DCC: variants seen among roughly 807,000 people sequenced by gnomAD.
DCC encodes DCC netrin 1 receptor.
DCC carries 58 observed loss-of-function variants against 172.5 expected under a neutral mutation model. The ratio of observed to expected loss-of-function variants is 0.34; its 90% CI spans 0.27 to 0.42. DCC has a LOEUF of 0.42. DCC is among the 10% of genes least tolerant of loss of function. The pLI is 1.00. For synonymous variants in DCC, 709 were observed against 644.5 expected (o/e 1.10, Z -1.52); for missense variants, 1,740 against 1,791.0 (o/e 0.97, Z 0.51).
At chr18:52,810,637 ATTGG>A (rs566218194) in intron 2 of DCC, among the ~76,000 whole-genome samples, 6 of 152,184 alleles carry the variant, frequency 3.9e-5, no homozygotes, top group East Asian at 3.9e-4. Flanking sequence ...GTGCGCACTG[ATTGG>A]TTGGTGAGTA....
chr18:53,410,672 T>C (rs773741569), intron 20 of DCC, 26 bp downstream of exon 20: 3 of 1,387,094 alleles, frequency 2.2e-6, no homozygotes, highest in Non-Finnish European at 3.1e-6. Flanking sequence ...TATTATGCTT[T>C]TCTTTTCCTG....
In DCC at chr18:52,783,323, CTTTTTT is replaced by C. The variant is rs374129823; in HGVS notation, c.412+30982_412+30987del. ...ACTAAAAATAATTTATACTACTACT[CTTTTTT>C]TTTTTTTTTTTTTTTTTTTTTTTTT... On this transcript the variant is annotated intron_variant, in intron 2 of 28. Transcript: ENST00000442544. Among the ~76,000 whole-genome samples the C allele has an allele frequency of 1.5e-3, 88 of 59,224 alleles. 1 individual carries two copies. The highest frequency in any genetic ancestry group is 5.9e-3 in the African/African-American group (74 of 12,456). 38.9% of individuals were successfully genotyped at this position (59,224 alleles called of 152,430 possible). A position where few individuals can be genotyped will look rare whatever the true frequency, so the allele number is the denominator to read the frequency against.
chr18:52,390,665 G>A (rs902321383), intron 1 of DCC, among the ~76,000 whole-genome samples: 4 of 151,988 alleles, frequency 2.6e-5, no homozygotes, highest in Non-Finnish European at 5.9e-5. Context: ...GGTCTCCAAG[G>A]AGACTCATGG....
chr18:52,910,867 T>A (rs975044831), intron 3 of DCC, among the ~76,000 whole-genome samples: 1 of 152,126 alleles, frequency 6.6e-6, no homozygotes, highest in Non-Finnish European at 1.5e-5. Flanking sequence ...TTTAAAGAAA[T>A]AAATTGGACT....
intron 12 of DCC, among the ~76,000 whole-genome samples, chr18:53,229,259 G>T (rs1289478119): frequency 3.3e-5 from 5 of 152,248 alleles, no homozygotes; most frequent in African/African-American, 1.2e-4. Context: ...CAAAAACACA[G>T]ATTGGTCTCC....
chr18:53,241,789 G>T (rs1421640387), intron 12 of DCC, among the ~76,000 whole-genome samples: 5 of 152,134 alleles, frequency 3.3e-5, no homozygotes, highest in Non-Finnish European at 7.4e-5. Context: ...GGGAAGGCAG[G>T]TTCCCTCTGT....
At chr18:53,149,207 AAGAAACTGGACGAGC>A (rs2043963119) in intron 7 of DCC, among the ~76,000 whole-genome samples, 2 of 152,124 alleles carry the variant, frequency 1.3e-5, no homozygotes, top group South Asian at 2.1e-4. Context: ...GACAGCCATT[AAGAAACTGGACGAGC>A]AGAAATAGGC....
intron 9 of DCC, among the ~76,000 whole-genome samples, chr18:53,204,612 C>A (rs1324701037): frequency 2.0e-5 from 3 of 151,004 alleles, no homozygotes; most frequent in Non-Finnish European, 4.4e-5. Context: ...ATTTCATTAG[C>A]AGACAAGTTA....
intron 1 of DCC, among the ~76,000 whole-genome samples, chr18:52,668,657 T>C (rs962302686): frequency 6.6e-6 from 1 of 152,212 alleles, no homozygotes; most frequent in Non-Finnish European, 1.5e-5. Context: ...AGCAGAGTAA[T>C]GGCTTTTTCT....
chr18:52,798,007 G>A (rs1430803811), intron 2 of DCC, among the ~76,000 whole-genome samples: 2 of 152,088 alleles, frequency 1.3e-5, no homozygotes, highest in African/African-American at 4.8e-5. Flanking sequence ...TGCCTTTGGA[G>A]GGCAGGGAAG....
chr18:53,369,396 G>A (rs7227402), intron 15 of DCC, among the ~76,000 whole-genome samples: 1 of 151,558 alleles, frequency 6.6e-6, no homozygotes, highest in Admixed American at 6.6e-5. Context: ...AAATCTTAGG[G>A]TTTTATATGC....
intron 2 of DCC, among the ~76,000 whole-genome samples, chr18:52,874,455 G>T (rs531491485): frequency 6.6e-5 from 10 of 152,086 alleles, no homozygotes; most frequent in Non-Finnish European, 1.5e-4. Flanking sequence ...AAATAAAATT[G>T]TTTTGAGTTA....
At chr18:52,852,418 A>G (rs958043716) in intron 2 of DCC, among the ~76,000 whole-genome samples, 1 of 152,178 alleles carries the variant, frequency 6.6e-6, no homozygotes, top group Non-Finnish European at 1.5e-5. Context: ...CTGCATTTGC[A>G]GCAAATCAAG....
At chr18:53,341,319 C>A (rs1440942742) in intron 15 of DCC, among the ~76,000 whole-genome samples, 1 of 152,162 alleles carries the variant, frequency 6.6e-6, no homozygotes, top group Non-Finnish European at 1.5e-5. Context: ...TGACCCTATC[C>A]TTTTTCTAAT....
chr18:52,661,287 A>T (rs2035354013), intron 1 of DCC, among the ~76,000 whole-genome samples: 1 of 152,194 alleles, frequency 6.6e-6, no homozygotes, highest in African/African-American at 2.4e-5. Context: ...GACATTAGAC[A>T]TTAGACCTAC....
chr18:53,392,764 G>A (rs1278712882), intron 17 of DCC, among the ~76,000 whole-genome samples: 1 of 152,140 alleles, frequency 6.6e-6, no homozygotes, highest in Non-Finnish European at 1.5e-5. Context: ...ACATGGTGTA[G>A]TCATTGTTAC....
At chr18:52,789,087 T>G (rs930492358) in intron 2 of DCC, among the ~76,000 whole-genome samples, 2 of 152,214 alleles carry the variant, frequency 1.3e-5, no homozygotes, top group African/African-American at 4.8e-5. Flanking sequence ...TCCCTTAAAG[T>G]ATGTTTTCTC....
intron 1 of DCC, among the ~76,000 whole-genome samples, chr18:52,631,759 T>C (rs2034680152): frequency 6.6e-6 from 1 of 152,194 alleles, no homozygotes; most frequent in South Asian, 2.1e-4. Context: ...TTTGCTGATC[T>C]TCTCACCTCA....
intron 5 of DCC, among the ~76,000 whole-genome samples, chr18:52,930,228 G>T (rs575633302): frequency 2.0e-4 from 30 of 152,096 alleles, no homozygotes; most frequent in African/African-American, 6.3e-4. Context: ...GCCTCCCAAG[G>T]TTCTGGGATT....
Sources: allele counts gnomAD v4.1 joint callset (sites outside exome capture counted in the v4.1 genomes callset), GRCh38; gene constraint gnomAD v4.1.1; transcripts MANE v1.5; gene names NCBI Gene and HGNC (gene_info 2026-07-23, HGNC 2026-07-21).